GBE1: variants seen among roughly 807,000 people sequenced by gnomAD.
GBE1 encodes the protein 1,4-alpha-glucan-branching enzyme.
A neutral mutation model predicts 88.8 loss-of-function variants in GBE1; 70 were observed. That is an observed-to-expected ratio of 0.79 (90% CI 0.65 to 0.96). The LOEUF is 0.96. Among genes scored for constraint, GBE1 ranks in the 40% least tolerant of loss-of-function variants. The probability of loss-of-function intolerance (pLI) is 0.00; values close to 1 mark genes in which losing one functional copy is unlikely to be tolerated. For synonymous variants in GBE1, 284 were observed against 300.1 expected (o/e 0.95, Z 0.56); for missense variants, 872 against 871.0 (o/e 1.00, Z -0.01).
At chr3:81,749,614 G>A (rs1706467498) in intron 1 of GBE1, among the ~76,000 whole-genome samples, 5 of 152,214 alleles carry the variant, frequency 3.3e-5, no homozygotes, top group Admixed American at 3.3e-4. Context: ...ATAAGTATAT[G>A]TAAAAACTGG....
chr3:81,499,908 C>T (rs1293223755), intron 14 of GBE1, among the ~76,000 whole-genome samples: 1 of 152,096 alleles, frequency 6.6e-6, no homozygotes, highest in Admixed American at 6.6e-5. Context: ...ATACAAAAAT[C>T]TATAATTAAA....
intron 14 of GBE1, among the ~76,000 whole-genome samples, chr3:81,517,721 T>C (rs1289729285): frequency 6.6e-6 from 1 of 151,534 alleles, no homozygotes; most frequent in African/African-American, 2.4e-5. Context: ...TAATAGCTTA[T>C]CAATTTTTAT....
intron 14 of GBE1, among the ~76,000 whole-genome samples, chr3:81,513,739 C>T (rs560988277): frequency 2.1e-4 from 31 of 150,530 alleles, no homozygotes; most frequent in Admixed American, 4.0e-4. Context: ...ACTTGCTAAG[C>T]TCAAACGTGG....
At chr3:81,718,925 G>T (rs149578478) in intron 1 of GBE1, among the ~76,000 whole-genome samples, 1 of 151,540 alleles carries the variant, frequency 6.6e-6, no homozygotes, top group Non-Finnish European at 1.5e-5. Context: ...GTTAGCCACC[G>T]CGCCCTGCCC....
chr3:81,539,619 A>ATGAT (rs1703119006), intron 12 of GBE1, among the ~76,000 whole-genome samples: 1 of 152,034 alleles, frequency 6.6e-6, no homozygotes, highest in Non-Finnish European at 1.5e-5. Context: ...ACAGAAAAGA[A>ATGAT]TGATCGATTC....
At chr3:81,561,755 A>G (rs1449932216) in intron 12 of GBE1, among the ~76,000 whole-genome samples, 1 of 152,022 alleles carries the variant, frequency 6.6e-6, no homozygotes, top group African/African-American at 2.4e-5. Flanking sequence ...AAAGCCCTCT[A>G]CGACCTGGCC....
At chr3:81,716,483 T>A (rs2107183899) in intron 1 of GBE1, among the ~76,000 whole-genome samples, 1 of 152,242 alleles carries the variant, frequency 6.6e-6, no homozygotes, top group Middle Eastern at 3.4e-3. Context: ...TCTTTCTAGG[T>A]CTAAATCCTA....
intron 5 of GBE1, among the ~76,000 whole-genome samples, chr3:81,648,435 G>A (rs1254434969): frequency 6.6e-6 from 1 of 152,014 alleles, no homozygotes; most frequent in East Asian, 1.9e-4. Context: ...CATCCAGGCA[G>A]GGGCTATATA....
At position 81,610,259 on chromosome 3, in the gene GBE1, T is replaced by C. The variant is rs114732280; in HGVS notation, c.993-16236A>G. Among the ~76,000 whole-genome samples the C allele has an allele frequency of 7.1e-3, 1,077 of 152,338 alleles. 8 individuals are homozygous for C. The highest frequency in any genetic ancestry group is 0.024 in the Middle Eastern group (7 of 294). On this transcript the variant is annotated intron_variant, in intron 7 of 15. Transcript: ENST00000429644. ...AAGGATACAACCCCTTGACCTTTGA[T>C]ACAGCATGTTAATCAGTGAAGTATT...
At chr3:81,721,225 AAATAAAT>A (rs1706027504) in intron 1 of GBE1, among the ~76,000 whole-genome samples, 8 of 106,728 alleles carry the variant, frequency 7.5e-5, no homozygotes, top group Admixed American at 3.8e-4. Flanking sequence ...ATAAATAAAT[AAATAAAT>A]AAAAACACAT....
At chr3:81,506,022 T>G (rs982650560) in intron 14 of GBE1, among the ~76,000 whole-genome samples, 9 of 152,028 alleles carry the variant, frequency 5.9e-5, no homozygotes, top group Non-Finnish European at 1.3e-4. Context: ...AGGGCAAAGA[T>G]TTCATGACGA....
At chr3:81,690,368 A>T (rs1303015266) in intron 2 of GBE1, among the ~76,000 whole-genome samples, 1 of 152,234 alleles carries the variant, frequency 6.6e-6, no homozygotes, top group East Asian at 1.9e-4. Flanking sequence ...AACACTATCA[A>T]CCAAATAAGA....
intron 1 of GBE1, among the ~76,000 whole-genome samples, chr3:81,738,119 A>G (rs1380349097): frequency 3.3e-5 from 5 of 151,546 alleles, no homozygotes; most frequent in Non-Finnish European, 5.9e-5. Context: ...TCCATGGTGT[A>G]TATGTGCCAC....
chr3:81,603,895 T>C (rs1704066015), intron 7 of GBE1, among the ~76,000 whole-genome samples: 1 of 152,204 alleles, frequency 6.6e-6, no homozygotes, highest in Non-Finnish European at 1.5e-5. Flanking sequence ...TCTACTAGAA[T>C]ACAGACACAA....
At chr3:81,700,283 A>C (rs529875866) in intron 2 of GBE1, among the ~76,000 whole-genome samples, 1 of 152,318 alleles carries the variant, frequency 6.6e-6, no homozygotes, top group African/African-American at 2.4e-5. Context: ...TTATACCCCG[A>C]ACCAGAAACG....
chr3:81,575,428 GC>G (rs931581891), intron 12 of GBE1, among the ~76,000 whole-genome samples: 1 of 151,934 alleles, frequency 6.6e-6, no homozygotes, highest in African/African-American at 2.4e-5. Flanking sequence ...AAACAAATCA[GC>G]CAAACTGGTA....
chr3:81,566,093 C>T (rs1173626458), intron 12 of GBE1, among the ~76,000 whole-genome samples: 4 of 152,198 alleles, frequency 2.6e-5, no homozygotes, highest in Non-Finnish European at 5.9e-5. Flanking sequence ...TAGTTGAACT[C>T]ACCACATACC....
At chr3:81,689,507 G>C (rs1705488105) in intron 2 of GBE1, among the ~76,000 whole-genome samples, 1 of 152,164 alleles carries the variant, frequency 6.6e-6, no homozygotes, top group South Asian at 2.1e-4. Flanking sequence ...AAAGTAAATA[G>C]TCATGTTTTT....
At chr3:81,491,066 C>G (rs554883024) in intron 15 of GBE1, among the ~76,000 whole-genome samples, 1 of 152,286 alleles carries the variant, frequency 6.6e-6, no homozygotes, top group South Asian at 2.1e-4. Context: ...TCCTCACCCA[C>G]TACACTCCAG....
Sources: allele counts gnomAD v4.1 joint callset (sites outside exome capture counted in the v4.1 genomes callset), GRCh38; gene constraint gnomAD v4.1.1; transcripts MANE v1.5; gene names NCBI Gene and HGNC (gene_info 2026-07-23, HGNC 2026-07-21).